ZPBP: variants seen among roughly 807,000 people sequenced by gnomAD.
ZPBP encodes zona pellucida binding protein, also known as zona pellucida-binding protein 1.
Under a neutral mutation model 44.8 loss-of-function variants are expected in ZPBP, and 26 were observed. The ratio of observed to expected loss-of-function variants is 0.58; its 90% confidence interval spans 0.43 to 0.81. The LOEUF (loss-of-function observed/expected upper bound fraction) is 0.81, where lower values mean the gene tolerates loss of function less well. ZPBP is among the 30% of genes least tolerant of loss of function. The pLI is 0.00. For missense variants in ZPBP, 409 were observed against 434.0 expected (o/e 0.94, Z 0.51); for synonymous variants, 174 against 153.2 (o/e 1.14, Z -1.00).
At chr7:49,865,951 C>CA (rs1181809496) in intron 2 of ZPBP, among the ~76,000 whole-genome samples, 1 of 152,258 alleles carries the variant, frequency 6.6e-6, no homozygotes, top group African/African-American at 2.4e-5. Flanking sequence ...GTCTACTCGG[C>CA]ACCATCTTAA....
intron 7 of ZPBP, among the ~76,000 whole-genome samples, chr7:49,973,791 C>T (rs1329507746): frequency 6.6e-6 from 1 of 151,998 alleles, no homozygotes; most frequent in Non-Finnish European, 1.5e-5. Flanking sequence ...ATAGAATGAC[C>T]ATATGATTCA....
Position 50,081,851 on chromosome 7 carries a change from A to G in ZPBP, c.257T>C (p.Val86Ala). Reference protein sequence around the residue: ...LHQKSPHVLCVTQQLRNAELI... With the variant: ...LHQKSPHVLCATQQLRNAELI... ...TTCAGCATTTCGCAGTTGTTGCGTT[A>G]CACATAACACGTGTGGACTCTTTTG... Residue 86 changes from valine to alanine, a missense_variant, in exon 3 of 8, where the codon GTA becomes GCA. By Grantham distance (64) the Val-to-Ala change is moderately conservative. Around this residue, in one of 2 missense-constraint regions of ZPBP, gnomAD observed 367 missense variants for 363.1 expected, o/e 1.01. Coordinates refer to ENST00000046087, the MANE Select transcript of ZPBP (RefSeq NM_007009.3). 6.2e-7 allele frequency: 1 copy of G among 1,611,558 alleles called. No individual in the cohort carries two copies. The highest frequency in any genetic ancestry group is 8.5e-7 in the Non-Finnish European group (1 of 1,178,252).
intron 7 of ZPBP, among the ~76,000 whole-genome samples, chr7:49,980,203 A>G (rs1326214356): frequency 8.5e-6 from 1 of 117,974 alleles, no homozygotes; most frequent in Non-Finnish European, 1.6e-5. Flanking sequence ...ATTATGTTAT[A>G]TGTTATATAA....
At chr7:50,048,730 A>G (rs1414268689) in intron 4 of ZPBP, among the ~76,000 whole-genome samples, 1 of 152,048 alleles carries the variant, frequency 6.6e-6, no homozygotes, top group African/African-American at 2.4e-5. Flanking sequence ...CATATTATAA[A>G]AGAAAGCTCT....
intron 1 of ZPBP, among the ~76,000 whole-genome samples, chr7:49,922,578 A>G (rs1449999021): frequency 1.3e-5 from 2 of 152,178 alleles, no homozygotes; most frequent in Admixed American, 6.5e-5. Flanking sequence ...GAAAAGCCCA[A>G]ATTAGAGTTT....
At chr7:49,937,015 C>G (rs1209246261), downstream of ZPBP, among the ~76,000 whole-genome samples, 1 of 151,950 alleles carries the variant, frequency 6.6e-6, no homozygotes, top group South Asian at 2.1e-4. Context: ...TTAAAAAATC[C>G]ACAGGGTGGT....
rs796354619 is a variant in ZPBP at position 49,981,538 on chromosome 7, T to A, written c.961+1804A>T. The stretch of plus-strand genomic sequence containing the variant: ...TATATTATATAATATATATTATAAT[T>A]TTATATAATTATATAAATTATATAT... On this transcript the variant is annotated intron_variant, in intron 7 of 7. Coordinates refer to ENST00000046087, the MANE Select transcript of ZPBP (RefSeq NM_007009.3). 9.7e-4 allele frequency among the ~76,000 whole-genome samples: 29 copies of A among 29,884 alleles called. No individual in the cohort carries two copies. In the South Asian group the frequency reaches 0.027, roughly 28 times the overall value. 19.6% of individuals were successfully genotyped at this position (29,884 alleles called of 152,430 possible).
chr7:49,912,494 TAA>T, intron 1 of ZPBP: 1 of 202,984 alleles, frequency 4.9e-6, no homozygotes, highest in Non-Finnish European at 1.0e-5. Flanking sequence ...AGAGCTTATA[TAA>T]GTGTTTTCTA....
At chr7:49,980,126 A>G (rs1796756640) in intron 7 of ZPBP, among the ~76,000 whole-genome samples, 1 of 106,058 alleles carries the variant, frequency 9.4e-6, no homozygotes, top group Non-Finnish European at 1.7e-5. Context: ...TTTATATTAT[A>G]ATTATATATT....
intron 2 of ZPBP, among the ~76,000 whole-genome samples, chr7:49,875,457 A>C (rs1040662588): frequency 2.0e-5 from 3 of 149,812 alleles, no homozygotes; most frequent in African/African-American, 7.3e-5. Flanking sequence ...AAGTATTTGA[A>C]GGTCAGTTCA....
intron 4 of ZPBP, among the ~76,000 whole-genome samples, chr7:50,050,496 G>A (rs891104897): frequency 6.6e-6 from 1 of 151,940 alleles, no homozygotes; most frequent in African/African-American, 2.4e-5. Context: ...CAACTCAATG[G>A]AGGAAGAATA....
intron 3 of ZPBP, among the ~76,000 whole-genome samples, chr7:50,072,222 T>C (rs1468073173): frequency 6.6e-6 from 1 of 152,200 alleles, no homozygotes. Flanking sequence ...ATAATCCCAC[T>C]GGCCTGGGGG....
At chr7:50,087,583 T>C (rs1231705713) in intron 2 of ZPBP, among the ~76,000 whole-genome samples, 3 of 151,970 alleles carry the variant, frequency 2.0e-5, no homozygotes, top group Non-Finnish European at 2.9e-5. Context: ...TTATATCGGT[T>C]TTACACAACA....
chr7:50,074,818 G>T (rs1802005706), intron 3 of ZPBP, among the ~76,000 whole-genome samples: 1 of 151,824 alleles, frequency 6.6e-6, no homozygotes, highest in Admixed American at 6.6e-5. Flanking sequence ...TACAATAATA[G>T]TGGGAGACTT....
intron 1 of ZPBP, among the ~76,000 whole-genome samples, chr7:49,923,112 A>G (rs1794094240): frequency 6.6e-6 from 1 of 152,228 alleles, no homozygotes; most frequent in African/African-American, 2.4e-5. Context: ...CAGAAGAGGT[A>G]AAGAATGTAG....
intron 4 of ZPBP, among the ~76,000 whole-genome samples, chr7:50,035,892 A>G (rs957239014): frequency 2.0e-5 from 3 of 152,200 alleles, no homozygotes; most frequent in African/African-American, 7.2e-5. Context: ...ATATGACCAA[A>G]AACAAGTGGG....
downstream of ZPBP, among the ~76,000 whole-genome samples, chr7:49,933,887 C>T (rs1794537899): frequency 7.2e-6 from 1 of 139,416 alleles, no homozygotes; most frequent in South Asian, 2.4e-4. Flanking sequence ...GAACATCACA[C>T]ACCAGGGCCT....
intron 6 of ZPBP, among the ~76,000 whole-genome samples, chr7:50,004,613 C>G (rs1798227420): frequency 6.6e-6 from 1 of 151,920 alleles, no homozygotes; most frequent in Non-Finnish European, 1.5e-5. Flanking sequence ...ATAATAAAAC[C>G]AAACAGAAAT....
chr7:50,073,847 C>T (rs915825596), intron 3 of ZPBP, among the ~76,000 whole-genome samples: 33 of 152,034 alleles, frequency 2.2e-4, no homozygotes, highest in African/African-American at 8.0e-4. Flanking sequence ...CTTTCCCAGA[C>T]ACACAAAAGC....
Sources: gnomAD v4.1 joint callset for allele counts (sites outside exome capture counted in the v4.1 genomes callset) on GRCh38, gnomAD v4.1.1 for gene constraint, gnomAD v4.1.1 regional missense constraint, MANE v1.5 for transcripts, NCBI Gene and HGNC (gene_info 2026-07-23, HGNC 2026-07-21) for gene names.